The following EGFL6 variants were observed in gnomAD, a reference collection of about 807,000 sequenced individuals.
EGFL6 encodes epidermal growth factor-like protein 6.
A neutral mutation model predicts 43.1 loss-of-function variants in EGFL6; 42 were observed. That is an observed-to-expected ratio of 0.98 (90% CI 0.76 to 1.26). The LOEUF (loss-of-function observed/expected upper bound fraction) is 1.26, where lower values mean the gene tolerates loss of function less well. EGFL6 is among the 50% of genes most tolerant of loss of function. The pLI is 0.00. For missense variants in EGFL6, 429 were observed against 427.8 expected, an observed-to-expected ratio of 1.00 and a Z score of -0.02; for synonymous variants, 164 against 163.2, an observed-to-expected ratio of 1.01 and a Z score of -0.04.
chrX:13,609,470 G>A (rs971881431), intron 7 of EGFL6, among the ~76,000 whole-genome samples: 1 of 111,742 alleles, frequency 8.9e-6, no homozygotes, highest in African/African-American at 3.3e-5. Context: ...ATCCAGGTTC[G>A]GCTGGGCGTG....
At chrX:13,594,211 C>G (rs1371634501) in intron 2 of EGFL6, among the ~76,000 whole-genome samples, 2 of 111,993 alleles carry the variant, frequency 1.8e-5, no homozygotes, top group African/African-American at 6.5e-5. Context: ...GTTATAACAT[C>G]CTACCCCTGT....
rs755003058 is a variant in EGFL6, at chrX:13,593,712, T to C, written c.188-1124T>C. Among the ~76,000 whole-genome samples the C allele has an allele frequency of 3.6e-5, 4 of 111,993 alleles. No homozygotes were observed. In the South Asian group the frequency reaches 1.5e-3, roughly 42 times the overall value. ...ATAGATAGTTGTTCAATGAATGAGT[T>C]GGTGGTAGAAACAGGGATAGGATGT... On this transcript the variant is annotated intron_variant, in intron 2 of 11. Coordinates refer to ENST00000361306, the MANE Select transcript of EGFL6 (RefSeq NM_015507.4).
intron 8 of EGFL6, 46 bp from the exon 9 acceptor site, chrX:13,619,117 T>A: frequency 9.6e-7 from 1 of 1,045,184 alleles, no homozygotes; most frequent in East Asian, 3.0e-5. Flanking sequence ...TCTGAGCATG[T>A]GGGCTTTAAG....
chrX:13,577,420 CTA>C (rs2045480180), intron 1 of EGFL6, among the ~76,000 whole-genome samples: 1 of 98,724 alleles, frequency 1.0e-5, no homozygotes, highest in African/African-American at 3.7e-5. Context: ...ACATATAAAA[CTA>C]TAAGTTTATA....
At chrX:13,623,460 A>T (rs1233614438) in intron 9 of EGFL6, among the ~76,000 whole-genome samples, 8 of 87,652 alleles carry the variant, frequency 9.1e-5, no homozygotes, top group Admixed American at 1.4e-4. Flanking sequence ...GCTCACTGCA[A>T]CCTCCACCTC....
intron 10 of EGFL6, 90 bp from the exon 11 acceptor site, chrX:13,626,921 T>C (rs1172885616): frequency 2.0e-6 from 2 of 991,761 alleles, no homozygotes; most frequent in African/African-American, 1.9e-5. Context: ...TAGGAGACTA[T>C]TGTTTACTTT....
chrX:13,629,298 T>C (rs1219195967), intron 11 of EGFL6, among the ~76,000 whole-genome samples: 1 of 112,596 alleles, frequency 8.9e-6, no homozygotes, highest in Admixed American at 9.4e-5. Context: ...TGCTGGAGAA[T>C]TGAAACATGC....
intron 4 of EGFL6, among the ~76,000 whole-genome samples, chrX:13,601,806 A>G (rs765108154): frequency 6.3e-5 from 7 of 110,714 alleles, no homozygotes; most frequent in Admixed American, 9.6e-5. Context: ...ACCAAATAGA[A>G]CTCTGCCAGA....
intron 7 of EGFL6, 51 bp from the exon 8 acceptor site, chrX:13,617,679 G>C (rs374239738): frequency 9.5e-7 from 1 of 1,052,840 alleles, no homozygotes; most frequent in East Asian, 3.0e-5. Context: ...CATTTTGTGA[G>C]TAATTTAATT....
Position 13,603,443 on chromosome X carries a change from C to T in EGFL6, c.520+7C>T, listed in dbSNP as rs1249379136. ...AATGGAAGAGACTGTCTAGGTACAA[C>T]AGCAGGAATCACCTCTACTCCTCCT... On this transcript the variant is annotated splice_region_variant and intron_variant, in intron 5 of 11. Transcript: ENST00000361306. 3.3e-6 allele frequency: 4 copies of T among 1,195,423 alleles called. No individual in the cohort carries two copies. Among genetic ancestry groups the T allele is most frequent in the South Asian group, 3.8e-5 (2 of 53,331 alleles).
At chrX:13,620,473 A>G (rs750665085) in intron 9 of EGFL6, among the ~76,000 whole-genome samples, 2 of 110,138 alleles carry the variant, frequency 1.8e-5, no homozygotes, top group Admixed American at 1.9e-4. Context: ...CTGTGAGTGC[A>G]TTGCCCAGTT....
intron 11 of EGFL6, among the ~76,000 whole-genome samples, chrX:13,629,644 G>C (rs187249365): frequency 8.4e-4 from 94 of 112,240 alleles, no homozygotes; most frequent in African/African-American, 3.0e-3. Flanking sequence ...CATATTGGCT[G>C]TGGACATTTG....
At chrX:13,632,470 T>G (rs2045818222) in intron 11 of EGFL6, among the ~76,000 whole-genome samples, 1 of 107,910 alleles carries the variant, frequency 9.3e-6, no homozygotes, top group Non-Finnish European at 1.9e-5. Context: ...CCCGGCTAAT[T>G]TGTTTGTATT....
intron 11 of EGFL6, among the ~76,000 whole-genome samples, chrX:13,631,115 T>C (rs2045808585): frequency 8.9e-6 from 1 of 112,812 alleles, no homozygotes; most frequent in Non-Finnish European, 1.9e-5. Context: ...TAGGCTATTG[T>C]TGAATTTCAT....
chrX:13,591,672 G>A (rs2045563694), intron 2 of EGFL6, among the ~76,000 whole-genome samples: 1 of 110,736 alleles, frequency 9.0e-6, no homozygotes, highest in Non-Finnish European at 1.9e-5. Flanking sequence ...CCCCAACAAG[G>A]AGAGCCAGAC....
At chrX:13,593,480 CAGA>C (rs1377979997) in intron 2 of EGFL6, among the ~76,000 whole-genome samples, 1 of 111,399 alleles carries the variant, frequency 9.0e-6, no homozygotes, top group African/African-American at 3.3e-5. Flanking sequence ...GATATGGTTT[CAGA>C]AGAAGTCTAG....
chrX:13,586,090 A>G (rs2045531937), intron 1 of EGFL6, among the ~76,000 whole-genome samples: 1 of 112,537 alleles, frequency 8.9e-6, no homozygotes, highest in African/African-American at 3.2e-5. Flanking sequence ...CAGTTAAAAA[A>G]TGGGCAAAGG....
intron 1 of EGFL6, among the ~76,000 whole-genome samples, chrX:13,574,264 G>A (rs1313348111): frequency 8.9e-6 from 1 of 112,151 alleles, no homozygotes; most frequent in Non-Finnish European, 1.9e-5. Flanking sequence ...CACAGGAAGA[G>A]CTGGCTCCTG....
intron 1 of EGFL6, among the ~76,000 whole-genome samples, chrX:13,577,075 G>T (rs989724282): frequency 9.1e-6 from 1 of 109,950 alleles, no homozygotes; most frequent in African/African-American, 3.3e-5. Context: ...TCTTCTGAAT[G>T]CCAGAGATTC....
Sources: allele counts gnomAD v4.1 joint callset (sites outside exome capture counted in the v4.1 genomes callset), GRCh38; gene constraint gnomAD v4.1.1; transcripts MANE v1.5; gene names NCBI Gene and HGNC (gene_info 2026-07-23, HGNC 2026-07-21).